Variants in LRP1B observed in about 807,000 individuals in gnomAD.
LRP1B encodes the protein low-density lipoprotein receptor-related protein 1B.
A neutral mutation model predicts 556.6 loss-of-function variants in LRP1B; 217 were observed. The observed-to-expected ratio is 0.39, with a 90% confidence interval of 0.35 to 0.44. The LOEUF is 0.44. Ranked by LOEUF, LRP1B falls within the 20% of genes least tolerant of loss-of-function variation. The probability of loss-of-function intolerance (pLI) is 1.00; values close to 1 mark genes in which losing one functional copy is unlikely to be tolerated. For synonymous variants in LRP1B, 2,047 were observed against 1,865.8 expected (o/e 1.10, Z -2.50); for missense variants, 5,053 against 5,620.8 (o/e 0.90, Z 3.23).
Position 140,358,230 on chromosome 2 carries a change from C to T in LRP1B, c.11258-114G>A, listed in dbSNP as rs1682325395. Reference sequence around the variant, plus strand: ...CTATGAAAAACATGGGTTTACAATCCTTTATCTGAAGCTCTCAAGGCCAAA... The same window carrying T: ...CTATGAAAAACATGGGTTTACAATCTTTTATCTGAAGCTCTCAAGGCCAAA... On this transcript the variant is annotated intron_variant, in intron 73 of 90. Transcript: ENST00000389484. 6.8e-6 allele frequency: 7 copies of T among 1,025,628 alleles called. No individual in the cohort carries two copies. In the East Asian group the frequency reaches 1.7e-4, roughly 25 times the overall value. 63.5% of individuals were successfully genotyped at this position (1,025,628 alleles called of 1,614,324 possible). A position where few individuals can be genotyped will look rare whatever the true frequency, so the allele number is the denominator to read the frequency against.
Position 140,921,232 on chromosome 2 carries a change from C to T in LRP1B, c.3319+1733G>A, listed in dbSNP as rs553877519. The stretch of plus-strand genomic sequence containing the variant: ...TATTTCTGTATAGAGAAATTGCAGC[C>T]TGGTTTTATGTTTCGCATCTCAATT... On this transcript the variant is annotated intron_variant, in intron 21 of 90. Coordinates refer to ENST00000389484, the MANE Select transcript of LRP1B (RefSeq NM_018557.3). Among the ~76,000 whole-genome samples the T allele has an allele frequency of 2.0e-5, 3 of 151,838 alleles. No homozygotes were observed. In the East Asian group the frequency reaches 5.8e-4, roughly 29 times the overall value.
intron 77 of LRP1B, among the ~76,000 whole-genome samples, chr2:140,340,562 C>T (rs923740125): frequency 6.6e-6 from 1 of 151,272 alleles, no homozygotes; most frequent in African/African-American, 2.4e-5. Context: ...ATACCTCTGA[C>T]AATTACAATT....
At chr2:141,824,266 T>A (rs542119467) in intron 1 of LRP1B, among the ~76,000 whole-genome samples, 2 of 152,312 alleles carry the variant, frequency 1.3e-5, no homozygotes, top group East Asian at 3.9e-4. Context: ...ATCTAACAAA[T>A]CAGGTAAAAC....
At chr2:141,889,240 C>T (rs1280898638) in intron 1 of LRP1B, among the ~76,000 whole-genome samples, 1 of 151,752 alleles carries the variant, frequency 6.6e-6, no homozygotes, top group East Asian at 1.9e-4. Flanking sequence ...TGGAAGAAAC[C>T]AACAGGAAAA....
At chr2:140,342,810 A>C (rs1200006958) in intron 77 of LRP1B, among the ~76,000 whole-genome samples, 3 of 151,710 alleles carry the variant, frequency 2.0e-5, no homozygotes, top group African/African-American at 7.2e-5. Context: ...ATACATCAGA[A>C]ACATAAATAT....
At chr2:140,935,914 G>A (rs1169646175) in intron 20 of LRP1B, among the ~76,000 whole-genome samples, 1 of 151,624 alleles carries the variant, frequency 6.6e-6, no homozygotes, top group African/African-American at 2.4e-5. Flanking sequence ...GTATATATAT[G>A]TGTGATATGT....
intron 35 of LRP1B, among the ~76,000 whole-genome samples, chr2:140,718,672 A>T (rs1397548541): frequency 6.6e-6 from 1 of 152,070 alleles, no homozygotes; most frequent in Non-Finnish European, 1.5e-5. Flanking sequence ...CAAACTCTCT[A>T]GTCACTTCCC....
At chr2:141,090,452 T>C (rs1028688525) in intron 7 of LRP1B, among the ~76,000 whole-genome samples, 1 of 152,162 alleles carries the variant, frequency 6.6e-6, no homozygotes. Context: ...TTGCTCTAAA[T>C]TGTAGTTTAT....
chr2:140,701,256 G>A (rs1277300931), intron 40 of LRP1B, among the ~76,000 whole-genome samples: 1 of 151,940 alleles, frequency 6.6e-6, no homozygotes, highest in Non-Finnish European at 1.5e-5. Flanking sequence ...TCATTGTCCT[G>A]TAAGTTTAGA....
At position 140,320,462 on chromosome 2, in the gene LRP1B, A is replaced by G. The variant is rs181602372; in HGVS notation, c.12640+1501T>C. ...ATGCTGACTGTGAGGGTAAGGACCC[A>G]GAGTCCACGTGAGGAGTGCATTCTA... On this transcript the variant is annotated intron_variant, in intron 82 of 90. Transcript: ENST00000389484. Among the ~76,000 whole-genome samples the G allele has an allele frequency of 5.6e-4, 85 of 152,286 alleles. 1 individual carries two copies. The East Asian group carries it at 0.014, about 25-fold the overall frequency.
intron 2 of LRP1B, among the ~76,000 whole-genome samples, chr2:141,572,059 CA>C (rs1319956366): frequency 6.6e-6 from 1 of 152,086 alleles, no homozygotes; most frequent in Non-Finnish European, 1.5e-5. Flanking sequence ...GGCCAACATA[CA>C]ACTTCAGGAA....
At position 140,264,726 on chromosome 2, in the gene LRP1B, GTGTGTGTGTGTGTGTA is replaced by G. The variant is rs1407819069; in HGVS notation, c.13247+5500_13247+5515del. On this transcript the variant is annotated intron_variant, in intron 86 of 90. Coordinates refer to ENST00000389484, the MANE Select transcript of LRP1B (RefSeq NM_018557.3). ...TATGTGTGTGTGTGTGTGTGTGTGT[GTGTGTGTGTGTGTGTA>G]TATAATTTTCCCACTGAAATTTAAT... 4.3e-3 allele frequency among the ~76,000 whole-genome samples: 435 copies of G among 100,666 alleles called. 4 individuals carry two copies. Among genetic ancestry groups the G allele is most frequent in the African/African-American group, 0.018 (404 of 22,740 alleles). The allele number at this position is 100,666 out of a possible 152,430, so 66.0% of individuals were successfully genotyped here.
intron 81 of LRP1B, among the ~76,000 whole-genome samples, chr2:140,323,290 C>T (rs1680256321): frequency 6.6e-6 from 1 of 151,990 alleles, no homozygotes; most frequent in Non-Finnish European, 1.5e-5. Flanking sequence ...ACCTCAATGA[C>T]TTACCCACTC....
intron 17 of LRP1B, among the ~76,000 whole-genome samples, chr2:140,987,235 A>C (rs1350360118): frequency 6.6e-6 from 1 of 152,152 alleles, no homozygotes; most frequent in Non-Finnish European, 1.5e-5. Flanking sequence ...GCTGTCATAA[A>C]TATACTGACG....
At chr2:141,134,202 T>C (rs1421007164) in intron 7 of LRP1B, among the ~76,000 whole-genome samples, 1 of 151,840 alleles carries the variant, frequency 6.6e-6, no homozygotes, top group East Asian at 1.9e-4. Context: ...CCATGACCTC[T>C]GTATCGTATC....
chr2:141,493,608 G>A (rs1313331842), intron 2 of LRP1B, among the ~76,000 whole-genome samples: 2 of 152,146 alleles, frequency 1.3e-5, no homozygotes, highest in African/African-American at 2.4e-5. Context: ...TCACAGGCAG[G>A]CTGACAGGCA....
At chr2:140,627,453 G>A (rs1559015763) in intron 41 of LRP1B, among the ~76,000 whole-genome samples, 1 of 151,948 alleles carries the variant, frequency 6.6e-6, no homozygotes. Flanking sequence ...CCAAGTTCTT[G>A]TTCTTCAGCT....
At chr2:140,912,206 C>T (rs1414626763) in intron 21 of LRP1B, among the ~76,000 whole-genome samples, 4 of 151,594 alleles carry the variant, frequency 2.6e-5, no homozygotes, top group Non-Finnish European at 1.5e-5. Flanking sequence ...CTAACTCATG[C>T]ACATGAATTA....
chr2:141,577,844 T>C (rs1686807434), intron 2 of LRP1B, among the ~76,000 whole-genome samples: 1 of 152,220 alleles, frequency 6.6e-6, no homozygotes, highest in Non-Finnish European at 1.5e-5. Flanking sequence ...CTTCATAAAC[T>C]ATTATATCAC....
Sources: gnomAD v4.1 joint callset for allele counts (sites outside exome capture counted in the v4.1 genomes callset) on GRCh38, gnomAD v4.1.1 for gene constraint, MANE v1.5 for transcripts, NCBI Gene and HGNC (gene_info 2026-07-23, HGNC 2026-07-21) for gene names.